Variants in FGF13 observed in about 807,000 individuals in gnomAD.
The protein encoded by FGF13 is fibroblast growth factor homologous factor 2.
In FGF13, 2 loss-of-function variants were observed where a neutral mutation model predicts 19.5. The ratio of observed to expected loss-of-function variants is 0.10; its 90% confidence interval spans 0.04 to 0.32. FGF13 has a LOEUF of 0.32. Among genes scored for constraint, FGF13 ranks in the 10% least tolerant of loss-of-function variants. The probability of loss-of-function intolerance (pLI) is 1.00; values close to 1 mark genes in which losing one functional copy is unlikely to be tolerated. For synonymous variants in FGF13, 72 were observed against 76.9 expected (o/e 0.94, Z 0.33); for missense variants, 113 against 192.7 (o/e 0.59, Z 2.45).
At chrX:138,966,155 A>T (rs771861722) in intron 1 of FGF13, among the ~76,000 whole-genome samples, 5 of 111,833 alleles carry the variant, frequency 4.5e-5, no homozygotes, top group Admixed American at 9.5e-5. Context: ...CAGAAGGGAA[A>T]TGTGGGGTCG....
At position 138,625,459 on chromosome X, in the gene FGF13, T is replaced by TATATATATATACATATATATATATA. The variant is rs1228263404; in HGVS notation, c.*7366_*7390dup. 40 of 93,068 alleles carry TATATATATATACATATATATATATA rather than the reference T, an allele frequency of 4.3e-4. No homozygotes were observed. Among genetic ancestry groups the TATATATATATACATATATATATATA allele is most frequent in the Middle Eastern group, 5.2e-3 (1 of 192 alleles). The allele number at this position is 93,068 out of a possible 1,213,427, so 7.7% of individuals were successfully genotyped here. A position where few individuals can be genotyped will look rare whatever the true frequency, so the allele number is the denominator to read the frequency against. ...GGACAGATGAATGAAGAAAGAAAAT[T>TATATATATATACATATATATATATA]ATATATATATACATATATATATATA... On this transcript the variant is annotated 3_prime_UTR_variant, in exon 5 of 5. Coordinates refer to ENST00000315930, the MANE Select transcript of FGF13 (RefSeq NM_004114.5).
intron 2 of FGF13, among the ~76,000 whole-genome samples, chrX:138,861,878 C>A (rs2091290121): frequency 9.0e-6 from 1 of 111,393 alleles, no homozygotes; most frequent in African/African-American, 3.3e-5. Context: ...TGGCACACGC[C>A]TGTAATCCCA....
intron 3 of FGF13, among the ~76,000 whole-genome samples, chrX:138,752,152 C>T (rs746429602): frequency 8.9e-6 from 1 of 111,792 alleles, no homozygotes. Context: ...GACGGCCAGG[C>T]GCGGTGACTC....
chrX:138,865,472 TC>T (rs200542673), intron 1 of FGF13, among the ~76,000 whole-genome samples: 17 of 81,058 alleles, frequency 2.1e-4, no homozygotes, highest in African/African-American at 5.6e-4. Context: ...TCTCTCTCTC[TC>T]CTCTCTCTCT....
chrX:138,626,829 G>T lies in FGF13; in HGVS notation c.*6021C>A, dbSNP rs1038045941. 2 of 111,797 alleles carry T rather than the reference G, an allele frequency of 1.8e-5. No individual in the cohort carries two copies. Among genetic ancestry groups the T allele is most frequent in the African/African-American group, 6.5e-5 (2 of 30,767 alleles). 9.2% of individuals were successfully genotyped at this position (111,797 alleles called of 1,213,427 possible). A position where few individuals can be genotyped will look rare whatever the true frequency, so the allele number is the denominator to read the frequency against. On this transcript the variant is annotated 3_prime_UTR_variant, in exon 5 of 5. Transcript: ENST00000315930. The stretch of plus-strand genomic sequence containing the variant: ...ATATATTGGTGGTGTATTTTGAAAC[G>T]TTCTTAAGACCCATGAAAGTCAAAT...
At chrX:138,877,368 T>A (rs778845818) in intron 1 of FGF13, among the ~76,000 whole-genome samples, 1 of 112,452 alleles carries the variant, frequency 8.9e-6, no homozygotes, top group Non-Finnish European at 1.9e-5. Context: ...AAAACACTTT[T>A]GCTTCATTTT....
chrX:139,101,889 C>A (rs959510958), intron 1 of FGF13, among the ~76,000 whole-genome samples: 14 of 112,142 alleles, frequency 1.2e-4, no homozygotes, highest in Non-Finnish European at 2.1e-4. Flanking sequence ...GAGGACTGGG[C>A]TGGGAGAATG....
intron 3 of FGF13, among the ~76,000 whole-genome samples, chrX:138,668,310 T>C (rs1391130576): frequency 1.8e-5 from 2 of 111,533 alleles, no homozygotes; most frequent in Non-Finnish European, 3.8e-5. Flanking sequence ...ATTTGAATTG[T>C]GTTTCAAATC....
intron 1 of FGF13, among the ~76,000 whole-genome samples, chrX:138,961,773 G>A (rs773946798): frequency 8.9e-6 from 1 of 111,877 alleles, no homozygotes; most frequent in African/African-American, 3.3e-5. Context: ...ATGGTTCTGG[G>A]AAAACTGGCT....
chrX:138,768,726 TTATATATATATGATATA>T (rs1324816072), intron 3 of FGF13, among the ~76,000 whole-genome samples: 2 of 97,892 alleles, frequency 2.0e-5, no homozygotes, highest in Non-Finnish European at 3.9e-5. Context: ...TAAGTATATA[TTATATATATATGATATA>T]TATATATATA....
intron 3 of FGF13, among the ~76,000 whole-genome samples, chrX:138,823,672 A>G (rs993238693): frequency 3.6e-5 from 4 of 111,628 alleles, no homozygotes; most frequent in Non-Finnish European, 3.8e-5. Flanking sequence ...TACTCCTGCT[A>G]TTACTACTAT....
intron 1 of FGF13, among the ~76,000 whole-genome samples, chrX:138,917,751 T>A (rs1937323190): frequency 8.9e-6 from 1 of 112,007 alleles, no homozygotes; most frequent in African/African-American, 3.2e-5. Flanking sequence ...TTGCCTTTGC[T>A]ATGAACATAT....
chrX:139,068,598 T>C (rs1473680153), intron 1 of FGF13, among the ~76,000 whole-genome samples: 1 of 110,714 alleles, frequency 9.0e-6, no homozygotes, highest in East Asian at 2.8e-4. Flanking sequence ...TTTCACGATG[T>C]TGATTCTTCC....
intron 1 of FGF13, among the ~76,000 whole-genome samples, chrX:138,883,510 C>T (rs1425437237): frequency 9.0e-6 from 1 of 111,250 alleles, no homozygotes; most frequent in Admixed American, 9.6e-5. Flanking sequence ...CATGCCACCA[C>T]GAAGCGGAGG....
chrX:139,142,949 A>G (rs1345457064), intron 1 of FGF13, among the ~76,000 whole-genome samples: 2 of 112,003 alleles, frequency 1.8e-5, no homozygotes, highest in Non-Finnish European at 1.9e-5. Context: ...ACATATCACA[A>G]AAAGAAATAT....
intron 2 of FGF13, among the ~76,000 whole-genome samples, chrX:138,704,925 T>A (rs1185797581): frequency 1.8e-5 from 2 of 112,660 alleles, no homozygotes; most frequent in Non-Finnish European, 3.7e-5. Flanking sequence ...CTGTTGACGA[T>A]GTCTTGTTCA....
chrX:138,884,689 A>C (rs184331486), intron 1 of FGF13, among the ~76,000 whole-genome samples: 2 of 112,112 alleles, frequency 1.8e-5, no homozygotes, highest in African/African-American at 6.5e-5. Context: ...GACATAAAGC[A>C]CTAGGGTATC....
intron 1 of FGF13, among the ~76,000 whole-genome samples, chrX:139,076,098 T>C (rs1310034874): frequency 1.8e-5 from 2 of 111,625 alleles, no homozygotes; most frequent in East Asian, 5.6e-4. Flanking sequence ...TGCTCTCTGA[T>C]GATTATACTG....
chrX:138,700,551 A>T (rs986383886), intron 3 of FGF13, among the ~76,000 whole-genome samples: 14 of 111,529 alleles, frequency 1.3e-4, no homozygotes, highest in African/African-American at 4.6e-4. Flanking sequence ...TGACAACAAA[A>T]TGAAGTGCCC....
Sources: gnomAD v4.1 joint callset for allele counts (sites outside exome capture counted in the v4.1 genomes callset) on GRCh38, gnomAD v4.1.1 for gene constraint, MANE v1.5 for transcripts, NCBI Gene and HGNC (gene_info 2026-07-23, HGNC 2026-07-21) for gene names.